The following ZDHHC3 variants were observed in gnomAD, a reference collection of about 807,000 sequenced individuals.
ZDHHC3 encodes the protein zDHHC palmitoyltransferase 3, also known as palmitoyltransferase ZDHHC3.
A neutral mutation model predicts 30.6 loss-of-function variants in ZDHHC3; 9 were observed. The ratio of observed to expected loss-of-function variants is 0.29; its 90% confidence interval spans 0.18 to 0.51. ZDHHC3 has a LOEUF of 0.51. Ranked by LOEUF, ZDHHC3 falls within the 20% of genes least tolerant of loss-of-function variation. The pLI, the probability that ZDHHC3 is intolerant of heterozygous loss-of-function variation, is 0.97. For synonymous variants in ZDHHC3, 136 were observed against 140.2 expected, an observed-to-expected ratio of 0.97 and a Z score of 0.21; for missense variants, 246 against 384.2, an observed-to-expected ratio of 0.64 and a Z score of 3.01.
In ZDHHC3 at chr3:44,945,273, T is replaced by C; in HGVS notation, c.326A>G (p.Asn109Ser). ...ACTCTCGATGAATTCTTTAGTGGCA[T>C]TTCCTTTGGGCACTGCCCCCTGTAG... ...LTDPGAVPKG[N>S]ATKEFIESLQ... Residue 109 changes from asparagine to serine, a missense_variant, in exon 3 of 7, where the codon AAT (asparagine) becomes AGT (serine). By Grantham distance (46) the Asn-to-Ser change is conservative (BLOSUM62 1). Transcript: ENST00000424952. 2.5e-6 allele frequency: 4 copies of C among 1,614,210 alleles called. No homozygotes were observed. The highest frequency in any genetic ancestry group is 3.4e-6 in the Non-Finnish European group (4 of 1,180,042).
Position 44,926,828 on chromosome 3 carries a change from T to G in ZDHHC3, c.761A>C (p.Lys254Thr). 6.2e-7 allele frequency: 1 copy of G among 1,609,972 alleles called. No individual in the cohort carries two copies. ...TTTTTTAGCCCATCTTCTCTCTTCC[T>G]TTTTCAATTGTTCTATTCCCTGAAA... The part of the protein sequence containing the change: ...TDETGIEQLK[K>T]EERRWAKKTK... Residue 254 changes from lysine to threonine, a missense_variant, in exon 7 of 7, where the codon AAG becomes ACG. Coordinates refer to ENST00000424952, the MANE Select transcript of ZDHHC3 (RefSeq NM_001135179.2).
At chr3:44,951,309 T>C (rs1703428020) in intron 2 of ZDHHC3, among the ~76,000 whole-genome samples, 1 of 152,198 alleles carries the variant, frequency 6.6e-6, no homozygotes, top group Admixed American at 6.5e-5. Flanking sequence ...CCACATTCTC[T>C]GCACAGAGCT....
At chr3:44,971,921 G>A (rs906889638) in intron 1 of ZDHHC3, among the ~76,000 whole-genome samples, 4 of 151,866 alleles carry the variant, frequency 2.6e-5, no homozygotes, top group Admixed American at 2.0e-4. Flanking sequence ...TTAGCGATGG[G>A]GTCTATGTTG....
At chr3:44,943,305 C>T (rs997693066) in intron 3 of ZDHHC3, among the ~76,000 whole-genome samples, 3 of 152,194 alleles carry the variant, frequency 2.0e-5, no homozygotes, top group Non-Finnish European at 4.4e-5. Context: ...GCTGTGTGAC[C>T]GTGGAGCACT....
intron 5 of ZDHHC3, among the ~76,000 whole-genome samples, chr3:44,932,386 G>A (rs962646517): frequency 2.6e-5 from 4 of 152,186 alleles, no homozygotes; most frequent in Non-Finnish European, 5.9e-5. Flanking sequence ...ATAAAAAAAA[G>A]GAGGCCCATG....
At chr3:44,947,309 T>C (rs938813090) in intron 2 of ZDHHC3, among the ~76,000 whole-genome samples, 2 of 152,144 alleles carry the variant, frequency 1.3e-5, no homozygotes, top group Admixed American at 6.5e-5. Flanking sequence ...GCTGGGAATA[T>C]AGGTCCAAGA....
At chr3:44,972,574 C>T (rs78203047) in intron 1 of ZDHHC3, among the ~76,000 whole-genome samples, 1 of 152,128 alleles carries the variant, frequency 6.6e-6, no homozygotes, top group Non-Finnish European at 1.5e-5. Flanking sequence ...CAGAGTTACT[C>T]CATCTCTGTC....
At chr3:44,939,054 T>G (rs948213169) in intron 3 of ZDHHC3, among the ~76,000 whole-genome samples, 5 of 152,242 alleles carry the variant, frequency 3.3e-5, no homozygotes, top group African/African-American at 1.2e-4. Flanking sequence ...CATACTGGTC[T>G]GCACCCTTGC....
At chr3:44,952,484 CATT>C (rs1703551436) in intron 2 of ZDHHC3, among the ~76,000 whole-genome samples, 1 of 152,200 alleles carries the variant, frequency 6.6e-6, no homozygotes, top group South Asian at 2.1e-4. Context: ...AATCTGATCA[CATT>C]ATTCCCCTGG....
intron 3 of ZDHHC3, 58 bp from the exon 4 acceptor site, chr3:44,934,042 G>A (rs973034033): frequency 1.1e-5 from 17 of 1,532,440 alleles, no homozygotes; most frequent in African/African-American, 8.2e-5. Context: ...GGAGGGCCCC[G>A]GGGGAACGCA....
At chr3:44,927,053 G>T (rs1164792768) in intron 6 of ZDHHC3, among the ~76,000 whole-genome samples, 1 of 152,160 alleles carries the variant, frequency 6.6e-6, no homozygotes, top group Non-Finnish European at 1.5e-5. Flanking sequence ...GTCCCTCCAA[G>T]AAGGGAGGGA....
intron 6 of ZDHHC3, 74 bp downstream of exon 6, chr3:44,929,232 C>G (rs1701274366): frequency 5.1e-6 from 8 of 1,565,634 alleles, no homozygotes; most frequent in Non-Finnish European, 6.9e-6. Context: ...CTGTGAGCAG[C>G]TCTCCCAGCA....
rs1700769308 is a variant in ZDHHC3, at chr3:44,923,628, C to A, written c.*3061G>T. On this transcript the variant is annotated 3_prime_UTR_variant, in exon 7 of 7. Transcript: ENST00000424952. ...ACTAGCTAGGGCAACACAGTGAGAC[C>A]CTGACTCTATTAAAAAACAAAAAAA... is the stretch of plus-strand genomic sequence containing the variant. The A allele has an allele frequency of 1.1e-6, 1 of 880,560 alleles. No homozygotes were observed. The highest frequency in any genetic ancestry group is 6.2e-5 in the Admixed American group (1 of 16,102). The allele number at this position is 880,560 out of a possible 1,614,324, so 54.5% of individuals were successfully genotyped here.
At chr3:44,946,254 T>C (rs1354555791) in intron 2 of ZDHHC3, among the ~76,000 whole-genome samples, 1 of 152,256 alleles carries the variant, frequency 6.6e-6, no homozygotes, top group Non-Finnish European at 1.5e-5. Flanking sequence ...CCCTCTGATT[T>C]GCTCTTCCAC....
chr3:44,932,596 C>T (rs145194575), intron 5 of ZDHHC3, among the ~76,000 whole-genome samples: 2 of 152,234 alleles, frequency 1.3e-5, no homozygotes, highest in African/African-American at 4.8e-5. Flanking sequence ...GCCTCTAAAG[C>T]AGGAAGAATT....
intron 1 of ZDHHC3, among the ~76,000 whole-genome samples, chr3:44,963,169 C>G (rs1025057638): frequency 6.6e-6 from 1 of 152,172 alleles, no homozygotes; most frequent in Admixed American, 6.5e-5. Context: ...CTGACTCTTA[C>G]TCAAGTAACC....
intron 3 of ZDHHC3, among the ~76,000 whole-genome samples, chr3:44,940,998 G>C (rs906205464): frequency 2.0e-5 from 3 of 152,160 alleles, no homozygotes; most frequent in African/African-American, 7.2e-5. Context: ...GGCTCCTAGA[G>C]CCAGGGCCAG....
At position 44,922,542 on chromosome 3, in the gene ZDHHC3, G is replaced by A; in HGVS notation, c.*4147C>T. The stretch of plus-strand genomic sequence containing the variant: ...CAGTCTCAGTGGCTTCTCCGCGGAG[G>A]GAACACGTGCCTGTCTCACAATCAG... On this transcript the variant is annotated 3_prime_UTR_variant, in exon 7 of 7. Transcript: ENST00000424952. 1.0e-6 allele frequency: 1 copy of A among 985,372 alleles called. No homozygotes were observed. The highest frequency in any genetic ancestry group is 1.2e-6 in the Non-Finnish European group (1 of 829,914). 61.0% of individuals were successfully genotyped at this position (985,372 alleles called of 1,614,324 possible). A position where few individuals can be genotyped will look rare whatever the true frequency, so the allele number is the denominator to read the frequency against.
intron 1 of ZDHHC3, among the ~76,000 whole-genome samples, chr3:44,968,285 T>C (rs747616005): frequency 4.6e-5 from 7 of 152,050 alleles, no homozygotes; most frequent in Non-Finnish European, 4.4e-5. Context: ...GGGGATGGAC[T>C]AGGATCTCTA....
Sources: allele counts gnomAD v4.1 joint callset (sites outside exome capture counted in the v4.1 genomes callset), GRCh38; gene constraint gnomAD v4.1.1; transcripts MANE v1.5; gene names NCBI Gene and HGNC (gene_info 2026-07-23, HGNC 2026-07-21).